Variants in PLCB1 observed in about 807,000 individuals in gnomAD.
PLCB1 encodes phospholipase C beta 1.
In PLCB1, 46 loss-of-function variants were observed where a neutral mutation model predicts 161.8. The ratio of observed to expected loss-of-function variants is 0.28; its 90% CI spans 0.22 to 0.36. PLCB1 has a LOEUF of 0.36. Among genes scored for constraint, PLCB1 ranks in the 10% least tolerant of loss-of-function variants. The pLI, the probability that PLCB1 is intolerant of heterozygous loss-of-function variation, is 1.00. For missense variants in PLCB1, 1,016 were observed against 1,472.5 expected (o/e 0.69, Z 5.07); for synonymous variants, 517 against 503.7 (o/e 1.03, Z -0.35).
Position 8,685,019 on chromosome 20 carries a change from A to G in PLCB1, c.950A>G (p.Asp317Gly). Residue 317 changes from aspartate (D) to glycine (G), a missense_variant, in exon 10 of 32, where the codon GAC becomes GGC. Asp to Gly is a moderately conservative substitution (Grantham distance 94, BLOSUM62 -1). This residue lies in a region of PLCB1 where 117 missense variants were observed against 142.2 expected (regional missense o/e 0.82). Coordinates refer to ENST00000338037, the MANE Select transcript of PLCB1 (RefSeq NM_015192.4). ...VSPEKLDLNEDMSQPLSHYFI... is the reference protein window; with the variant it reads ...VSPEKLDLNEGMSQPLSHYFI... ...CCTGAGAAACTGGATTTGAATGAAGACATGTCTCAGCCCCTTTCTCACTAT... is the reference window on the plus strand; with the variant it reads ...CCTGAGAAACTGGATTTGAATGAAGGCATGTCTCAGCCCCTTTCTCACTAT... 6.2e-7 allele frequency: 1 copy of G among 1,613,456 alleles called. No individual in the cohort carries two copies. Among genetic ancestry groups the G allele is most frequent in the Non-Finnish European group, 8.5e-7 (1 of 1,179,340 alleles).
intron 3 of PLCB1, among the ~76,000 whole-genome samples, chr20:8,549,468 A>C (rs1048054718): frequency 6.6e-6 from 1 of 152,214 alleles, no homozygotes; most frequent in Non-Finnish European, 1.5e-5. Context: ...GTCCCCACCC[A>C]AATCTCACCT....
At chr20:8,786,691 GT>G (rs539647446) in intron 27 of PLCB1, among the ~76,000 whole-genome samples, 85 of 141,406 alleles carry the variant, frequency 6.0e-4, no homozygotes, top group Admixed American at 7.1e-4. Context: ...AATCTTTTTT[GT>G]TTTTTTTTTT....
In PLCB1 at chr20:8,150,371, G is replaced by A; in HGVS notation, c.177G>A (p.Lys59=). Residue 59 remains lysine (K), a splice_region_variant and synonymous_variant, in exon 2 of 32, where the codon AAG becomes AAA. Transcript: ENST00000338037. The stretch of plus-strand genomic sequence containing the variant: ...TCTTTTACTGGACAGATCAAAACAA[G>A]GTAAGAAATGAGGTATGCCTTTCTT... ...GFFFYWTDQN[K]ETELLDLSLV... 6.8e-7 allele frequency: 1 copy of A among 1,467,378 alleles called. No homozygotes were observed. The allele number at this position is 1,467,378 out of a possible 1,614,324, so 90.9% of individuals were successfully genotyped here.
intron 31 of PLCB1, among the ~76,000 whole-genome samples, chr20:8,871,061 G>A (rs1275051514): frequency 6.6e-6 from 1 of 152,128 alleles, no homozygotes; most frequent in Non-Finnish European, 1.5e-5. Context: ...CAGAGATTTT[G>A]TATGTACATT....
At chr20:8,374,156 C>G (rs922353697) in intron 3 of PLCB1, among the ~76,000 whole-genome samples, 4 of 151,974 alleles carry the variant, frequency 2.6e-5, no homozygotes, top group Admixed American at 2.0e-4. Context: ...GAGGGAGAGA[C>G]CAGGTGGAGG....
intron 2 of PLCB1, among the ~76,000 whole-genome samples, chr20:8,365,222 G>C (rs1446726646): frequency 6.6e-6 from 1 of 152,188 alleles, no homozygotes; most frequent in East Asian, 1.9e-4. Context: ...GTAGCAACTT[G>C]TTTAATGCTA....
chr20:8,325,343 GA>G lies in PLCB1; in HGVS notation c.178-46038del, dbSNP rs1202533752. 6.6e-5 allele frequency among the ~76,000 whole-genome samples: 10 copies of G among 152,234 alleles called. No homozygotes were observed. The South Asian group carries it at 1.4e-3, about 22-fold the overall frequency. On this transcript the variant is annotated intron_variant, in intron 2 of 31. Coordinates refer to ENST00000338037, the MANE Select transcript of PLCB1 (RefSeq NM_015192.4). ...GATAAGCCCATGAGATAATTTTGTT[GA>G]GGTGTGATCATCCCAGCGTTTTAGT...
intron 7 of PLCB1, 137 bp from the exon 8 acceptor site, chr20:8,657,047 A>G: frequency 1.6e-6 from 1 of 614,882 alleles, no homozygotes; most frequent in Middle Eastern, 2.9e-4. Flanking sequence ...AGGAAAAAGA[A>G]AGGAAAGAGA....
intron 4 of PLCB1, among the ~76,000 whole-genome samples, chr20:8,638,053 G>A (rs1568540401): frequency 6.6e-6 from 1 of 152,076 alleles, no homozygotes; most frequent in Non-Finnish European, 1.5e-5. Flanking sequence ...CCGCCACCAT[G>A]CCCGGCTAAT....
intron 2 of PLCB1, among the ~76,000 whole-genome samples, chr20:8,274,293 G>A (rs1396223394): frequency 6.6e-6 from 1 of 151,262 alleles, no homozygotes; most frequent in East Asian, 1.9e-4. Flanking sequence ...AAATATACAT[G>A]CAATTATCAA....
intron 3 of PLCB1, among the ~76,000 whole-genome samples, chr20:8,428,467 C>A (rs1158853369): frequency 1.3e-5 from 2 of 152,186 alleles, no homozygotes; most frequent in East Asian, 3.9e-4. Flanking sequence ...GTGATCCACC[C>A]ACCTTGGCCT....
intron 2 of PLCB1, among the ~76,000 whole-genome samples, chr20:8,203,469 G>A (rs1036411583): frequency 1.1e-4 from 17 of 152,114 alleles, no homozygotes; most frequent in Admixed American, 9.8e-4. Flanking sequence ...AGTTTGAGGA[G>A]CCTGCTTAAC....
At chr20:8,631,081 C>T (rs1988573117) in intron 4 of PLCB1, among the ~76,000 whole-genome samples, 1 of 152,190 alleles carries the variant, frequency 6.6e-6, no homozygotes, top group African/African-American at 2.4e-5. Context: ...AGTGCTCAGC[C>T]AGAAACTTAA....
At chr20:8,418,789 A>G (rs1371021381) in intron 3 of PLCB1, among the ~76,000 whole-genome samples, 6 of 152,176 alleles carry the variant, frequency 3.9e-5, no homozygotes. Context: ...TGGCTGAAAC[A>G]CACAGATGAC....
intron 3 of PLCB1, among the ~76,000 whole-genome samples, chr20:8,623,446 C>T (rs1254302796): frequency 2.0e-5 from 3 of 152,132 alleles, no homozygotes; most frequent in African/African-American, 4.8e-5. Context: ...TCTTCATCAA[C>T]AGTTTTCTAT....
intron 2 of PLCB1, among the ~76,000 whole-genome samples, chr20:8,321,522 G>A (rs558491978): frequency 1.3e-5 from 2 of 152,048 alleles, no homozygotes; most frequent in Non-Finnish European, 2.9e-5. Context: ...GACATTGGGG[G>A]AGTGATATGG....
chr20:8,632,502 TA>T (rs2123234925), intron 4 of PLCB1, among the ~76,000 whole-genome samples: 1 of 152,070 alleles, frequency 6.6e-6, no homozygotes, highest in Non-Finnish European at 1.5e-5. Flanking sequence ...ATAAGTAAAA[TA>T]AAGAAGTCAG....
At chr20:8,146,079 ATCT>A (rs150671439) in intron 1 of PLCB1, among the ~76,000 whole-genome samples, 6,531 of 148,696 alleles carry the variant, frequency 0.044, 176 homozygotes, top group South Asian at 0.12. Flanking sequence ...AACAAAAGAA[ATCT>A]TCTTACTGTT....
At chr20:8,533,198 A>AT (rs1984892146) in intron 3 of PLCB1, among the ~76,000 whole-genome samples, 1 of 152,062 alleles carries the variant, frequency 6.6e-6, no homozygotes, top group Non-Finnish European at 1.5e-5. Flanking sequence ...TGAACTCATC[A>AT]TTTTTTATGG....
Sources: gnomAD v4.1 joint callset for allele counts (sites outside exome capture counted in the v4.1 genomes callset) on GRCh38, gnomAD v4.1.1 for gene constraint, gnomAD v4.1.1 regional missense constraint, MANE v1.5 for transcripts, NCBI Gene and HGNC (gene_info 2026-07-23, HGNC 2026-07-21) for gene names.